The following EPHA10 variants were observed in gnomAD, a reference collection of about 807,000 sequenced individuals.
EPHA10 encodes the protein ephrin type-A receptor 10.
In EPHA10, 120 loss-of-function variants were observed where a neutral mutation model predicts 109.7. The observed-to-expected ratio is 1.09, with a 90% CI of 0.94 to 1.27. The LOEUF is 1.27. Among genes scored for constraint, EPHA10 ranks in the 50% most tolerant of loss-of-function variants. The pLI is 0.00. For missense variants in EPHA10, 1,396 were observed against 1,411.1 expected, an observed-to-expected ratio of 0.99 and a Z score of 0.17; for synonymous variants, 640 against 618.9, an observed-to-expected ratio of 1.03 and a Z score of -0.51.
In EPHA10 at chr1:37,716,202, CCTGGGACCCAACAGGATT is replaced by C. The variant is rs972996505; in HGVS notation, c.*2152_*2169del. The C allele has an allele frequency of 6.0e-6, 2 of 330,610 alleles. No individual in the cohort carries two copies. The highest frequency in any genetic ancestry group is 4.3e-5 in the African/African-American group (2 of 46,798). 20.5% of individuals were successfully genotyped at this position (330,610 alleles called of 1,614,324 possible). ...ACATCACATCTGTGCAGGGCTGAGG[CCTGGGACCCAACAGGATT>C]CTGGGACCTCACTCCTCAGTGGAGG... is the stretch of plus-strand genomic sequence containing the variant. On this transcript the variant is annotated 3_prime_UTR_variant, in exon 17 of 17. Transcript: ENST00000373048.
At chr1:37,723,472 G>T (rs1645836396) in intron 8 of EPHA10, 100 bp from the exon 9 acceptor site, 1 of 1,341,552 alleles carries the variant, frequency 7.5e-7, no homozygotes, top group Non-Finnish European at 1.0e-6. Context: ...CAAAAGACAA[G>T]GCCTGTGCCC....
intron 5 of EPHA10, among the ~76,000 whole-genome samples, chr1:37,741,545 C>G (rs775394186): frequency 1.7e-4 from 26 of 152,148 alleles, no homozygotes; most frequent in Non-Finnish European, 3.4e-4. Context: ...AAACCTACAC[C>G]ATCACCATAA....
intron 5 of EPHA10, among the ~76,000 whole-genome samples, chr1:37,737,642 G>A (rs1646089621): frequency 1.3e-5 from 2 of 152,208 alleles, no homozygotes; most frequent in South Asian, 4.1e-4. Flanking sequence ...TGTAGGATCT[G>A]AAATGATAAA....
intron 5 of EPHA10, among the ~76,000 whole-genome samples, chr1:37,747,970 T>A (rs1011756768): frequency 6.6e-6 from 1 of 152,172 alleles, no homozygotes; most frequent in Admixed American, 6.6e-5. Context: ...GAAATGTATA[T>A]ACATTTCTAA....
rs375035003 is a variant in EPHA10, at chr1:37,723,093, G to T, written c.1908C>A (p.Phe636Leu). 2 of 1,614,218 alleles carry T rather than the reference G, an allele frequency of 1.2e-6. No homozygotes were observed. The highest frequency in any genetic ancestry group is 8.5e-7 in the Non-Finnish European group (1 of 1,180,038). ...CGDLLQAVHL[F>L]AKELDAKSVT... Reference sequence around the variant, plus strand: ...CGCTTTTCGCATCCAGTTCCTTGGCGAACAGATGCACAGCCTGCAGCAGGT... The same window carrying T: ...CGCTTTTCGCATCCAGTTCCTTGGCTAACAGATGCACAGCCTGCAGCAGGT... Residue 636 changes from phenylalanine (F) to leucine (L), a missense_variant, in exon 10 of 17, where the codon TTC becomes TTA. Physicochemically the swap from Phe to Leu is conservative, Grantham distance 22. Transcript: ENST00000373048.
chr1:37,761,047 G>T, intron 3 of EPHA10: 3 of 712,106 alleles, frequency 4.2e-6, no homozygotes, highest in Non-Finnish European at 5.5e-6. Flanking sequence ...TCAAGCCAGT[G>T]CACTCCAGCC....
At chr1:37,760,287 C>T (rs1646420252) in intron 3 of EPHA10, 3 of 1,033,548 alleles carry the variant, frequency 2.9e-6, no homozygotes, top group Non-Finnish European at 3.5e-6. Flanking sequence ...AAAAAGCATA[C>T]CTTGATCTTT....
In EPHA10 at chr1:37,764,423, A is replaced by T. The variant is rs538049561; in HGVS notation, c.106+538T>A. ...TATCGCCGACAGCCTCAAACCCGGC[A>T]ACGCGGAGCGCGCCCGGCAGACTAC... On this transcript the variant is annotated intron_variant, in intron 1 of 16. Transcript: ENST00000373048. This position sits in a 1 kb window ranked among gnomAD's most constrained non-coding sequence, Gnocchi z 5.8. 6.6e-6 allele frequency among the ~76,000 whole-genome samples: 1 copy of T among 152,346 alleles called. No homozygotes were observed. The highest frequency in any genetic ancestry group is 2.1e-4 in the South Asian group (1 of 4,832).
chr1:37,733,600 C>G (rs1202693612), intron 6 of EPHA10, among the ~76,000 whole-genome samples: 1 of 152,102 alleles, frequency 6.6e-6, no homozygotes, highest in Non-Finnish European at 1.5e-5. Context: ...TTGTCTATAC[C>G]CTGATCCTCA....
intron 7 of EPHA10, among the ~76,000 whole-genome samples, chr1:37,729,790 T>C (rs1232537360): frequency 6.6e-6 from 1 of 151,856 alleles, no homozygotes; most frequent in Non-Finnish European, 1.5e-5. Flanking sequence ...GGAGGACCAC[T>C]TAAGCCTGGA....
Position 37,761,980 on chromosome 1 carries a change from C to T in EPHA10, c.275G>A (p.Trp92Ter), listed in dbSNP as rs1173211997. ...PNQDNWLQTGWISRGRGQRIF... is the reference protein window; with the variant it reads ...PNQDNWLQTG The stretch of plus-strand genomic sequence containing the variant: ...GCGCTGCCCGCGGCCACGGCTTATC[C>T]AGCCAGTCTGCAGCCAGTTGTCCTG... Residue 92 changes from tryptophan to a stop codon, truncating the protein, a stop_gained, in exon 3 of 17, where the codon TGG becomes TAG. Coordinates refer to ENST00000373048, the MANE Select transcript of EPHA10 (RefSeq NM_001099439.2). LOFTEE classifies it high-confidence loss of function. 6.2e-7 allele frequency: 1 copy of T among 1,614,210 alleles called. No homozygotes were observed. Among genetic ancestry groups the T allele is most frequent in the Non-Finnish European group, 8.5e-7 (1 of 1,180,044 alleles).
chr1:37,730,060 C>A (rs1247024446), intron 7 of EPHA10, among the ~76,000 whole-genome samples: 3 of 152,084 alleles, frequency 2.0e-5, no homozygotes, highest in Admixed American at 6.6e-5. Flanking sequence ...CTCCTGCCCC[C>A]ACTACGCCCA....
At position 37,761,901 on chromosome 1, in the gene EPHA10, G is replaced by A. The variant is rs1382296515; in HGVS notation, c.354C>T (p.Ala118=). Residue 118 remains alanine, a synonymous_variant, in exon 3 of 17, where the codon GCC becomes GCT. Transcript: ENST00000373048. ...TGAAGGTCTCCTTGCAGGTACCCGC[G>A]GCGCCAGGGATGCTGCTGCAGTCAC... ...TLRDCSSIPG[A]AGTCKETFNV... The A allele has an allele frequency of 3.7e-6, 6 of 1,611,842 alleles. No homozygotes were observed. Among genetic ancestry groups the A allele is most frequent in the East Asian group, 2.2e-5 (1 of 44,812 alleles).
intron 2 of EPHA10, among the ~76,000 whole-genome samples, chr1:37,762,553 C>T (rs1204798628): frequency 1.3e-5 from 2 of 151,736 alleles, no homozygotes; most frequent in Non-Finnish European, 2.9e-5. Flanking sequence ...CATTTCTGTT[C>T]CTAGACAGCC....
intron 6 of EPHA10, among the ~76,000 whole-genome samples, chr1:37,732,134 A>C (rs1044581857): frequency 1.6e-4 from 24 of 152,164 alleles, no homozygotes; most frequent in African/African-American, 5.3e-4. Context: ...GACTCCCCCA[A>C]GGCCCCAGCT....
At chr1:37,734,765 C>A in intron 6 of EPHA10, 1 of 379,548 alleles carries the variant, frequency 2.6e-6, no homozygotes, top group South Asian at 1.9e-5. Context: ...AAATGCTGTG[C>A]TACACTTTTT....
chr1:37,719,236 G>A (rs1018320086), intron 15 of EPHA10, among the ~76,000 whole-genome samples, 178 bp downstream of exon 15: 8 of 152,230 alleles, frequency 5.3e-5, no homozygotes, highest in Admixed American at 5.2e-4. Context: ...AAGTGACCAG[G>A]AGGATGTGCA....
chr1:37,717,992 G>A lies in EPHA10; in HGVS notation c.*380C>T, dbSNP rs1002218591. ...TCTGTGGGAAAAGGGAACACCCCAC[G>A]GGGTAGGCCCCAGCCCCCAGTGGGT... is the stretch of plus-strand genomic sequence containing the variant. On this transcript the variant is annotated 3_prime_UTR_variant, in exon 17 of 17. Transcript: ENST00000373048. The A allele has an allele frequency of 9.2e-5, 26 of 281,432 alleles. No homozygotes were observed. In the Middle Eastern group the frequency reaches 5.3e-3, roughly 58 times the overall value. The allele number at this position is 281,432 out of a possible 1,614,324, so 17.4% of individuals were successfully genotyped here.
At chr1:37,751,913 T>G (rs1390374080) in intron 5 of EPHA10, among the ~76,000 whole-genome samples, 1 of 151,796 alleles carries the variant, frequency 6.6e-6, no homozygotes, top group African/African-American at 2.4e-5. Context: ...TTAAGCAGGT[T>G]AAAGAATTAT....
Sources: gnomAD v4.1 joint callset for allele counts (sites outside exome capture counted in the v4.1 genomes callset) on GRCh38, gnomAD v4.1.1 for gene constraint, Gnocchi (gnomAD v3.1) non-coding constraint, MANE v1.5 for transcripts, NCBI Gene and HGNC (gene_info 2026-07-23, HGNC 2026-07-21) for gene names.